POGZ: variants seen among roughly 807,000 people sequenced by gnomAD.
POGZ encodes the protein pogo transposable element derived with ZNF domain.
POGZ carries 17 observed loss-of-function variants against 134.6 expected under a neutral mutation model. The ratio of observed to expected loss-of-function variants is 0.13; its 90% CI spans 0.09 to 0.19. POGZ has a LOEUF of 0.19. POGZ is among the 10% of genes least tolerant of loss of function. The probability of loss-of-function intolerance (pLI) is 1.00; values close to 1 mark genes in which losing one functional copy is unlikely to be tolerated. For synonymous variants in POGZ, 693 were observed against 657.1 expected, an observed-to-expected ratio of 1.05 and a Z score of -0.84; for missense variants, 1,306 against 1,769.7, an observed-to-expected ratio of 0.74 and a Z score of 4.70.
At chr1:151,452,653 C>T (rs1479595705) in intron 1 of POGZ, among the ~76,000 whole-genome samples, 2 of 152,030 alleles carry the variant, frequency 1.3e-5, no homozygotes, top group Non-Finnish European at 2.9e-5. Flanking sequence ...ATCACAAGGA[C>T]AGGAGTTCGA....
At chr1:151,449,930 C>A (rs72633637) in intron 1 of POGZ, among the ~76,000 whole-genome samples, 12,114 of 151,168 alleles carry the variant, frequency 0.08, 1,321 homozygotes, top group East Asian at 0.45. Flanking sequence ...ATGAATTATT[C>A]AAATGGTTAT....
At chr1:151,430,448 A>C (rs1658502690) in intron 4 of POGZ, among the ~76,000 whole-genome samples, 1 of 152,204 alleles carries the variant, frequency 6.6e-6, no homozygotes, top group South Asian at 2.1e-4. Flanking sequence ...CAAATCACTT[A>C]ATAAACTTCT....
chr1:151,410,397 C>T (rs1654458613), intron 12 of POGZ, among the ~76,000 whole-genome samples: 1 of 152,126 alleles, frequency 6.6e-6, no homozygotes, highest in African/African-American at 2.4e-5. Context: ...AATTAAAGGC[C>T]TGTTTCTAAG....
rs575585307 is a variant in POGZ, at chr1:151,425,043, A to T, written c.1097T>A (p.Val366Glu). The change falls in exon 8 of 19, where the codon GTA becomes GAA. Residue 366 changes from valine to glutamate, a missense_variant. Val to Glu is a moderately radical substitution (Grantham distance 121, BLOSUM62 -2). Transcript: ENST00000271715. The part of the protein sequence containing the change: ...SSMKVTSSIP[V>E]FDLQDGGRKI... ...CCGTCCACCATCCTGGAGGTCAAATACTGGGATGGAAGAGGTCACTGAAAG... is the reference window on the plus strand; with the variant it reads ...CCGTCCACCATCCTGGAGGTCAAATTCTGGGATGGAAGAGGTCACTGAAAG... 3.8e-6 allele frequency: 6 copies of T among 1,568,908 alleles called. No homozygotes were observed. The highest frequency in any genetic ancestry group is 5.2e-6 in the Non-Finnish European group (6 of 1,143,842).
intron 1 of POGZ, among the ~76,000 whole-genome samples, chr1:151,447,642 ATTTTTT>A (rs35308281): frequency 1.9e-5 from 1 of 52,936 alleles, no homozygotes; most frequent in Admixed American, 2.6e-4. Context: ...TGTCTGGCTA[ATTTTTT>A]TTTTTTTTTT....
At chr1:151,446,914 T>C (rs1557946317) in intron 1 of POGZ, among the ~76,000 whole-genome samples, 1 of 152,080 alleles carries the variant, frequency 6.6e-6, no homozygotes, top group Non-Finnish European at 1.5e-5. Context: ...TTTAATTGAA[T>C]AAAAAAGTTA....
At chr1:151,425,269 A>T in intron 7 of POGZ, 1 of 422,434 alleles carries the variant, frequency 2.4e-6, no homozygotes, top group Admixed American at 3.4e-5. Flanking sequence ...TGGCACGACC[A>T]CAGCTCACTG....
intron 17 of POGZ, 78 bp from the exon 18 acceptor site, chr1:151,406,709 CT>C: frequency 8.0e-7 from 1 of 1,247,546 alleles, no homozygotes; most frequent in Non-Finnish European, 1.2e-6. Context: ...TGGGATTCAA[CT>C]TACTACATAC....
chr1:151,404,381 T>C lies in POGZ; in HGVS notation c.*421A>G, dbSNP rs532006681. ...TTAGATAGCATCATGCCCAAAGACA[T>C]TGGCCACACAATAAAACAAACAAAA... On this transcript the variant is annotated 3_prime_UTR_variant, in exon 19 of 19. Coordinates refer to ENST00000271715, the MANE Select transcript of POGZ (RefSeq NM_015100.4). 6.6e-5 allele frequency: 65 copies of C among 989,300 alleles called. No homozygotes were observed. The highest frequency in any genetic ancestry group is 1.1e-4 in the East Asian group (1 of 8,918). 61.3% of individuals were successfully genotyped at this position (989,300 alleles called of 1,614,324 possible). A position where few individuals can be genotyped will look rare whatever the true frequency, so the allele number is the denominator to read the frequency against.
rs1245146145 is a variant in POGZ at position 151,459,133 on chromosome 1, G to GGCTC, written c.-2+15_-2+18dup. 6.6e-6 allele frequency: 1 copy of GGCTC among 151,190 alleles called. No individual in the cohort carries two copies. The highest frequency in any genetic ancestry group is 1.5e-5 in the Non-Finnish European group (1 of 67,692). The allele number at this position is 151,190 out of a possible 1,614,324, so 9.4% of individuals were successfully genotyped here. ...GGGAGCAGGGGGTGGGGAGAGAGAA[G>GGCTC]GCTCGCTCGCTCACTCACCTCCTGT... On this transcript the variant is annotated intron_variant, in intron 1 of 18. Transcript: ENST00000271715.
At chr1:151,419,434 G>C (rs1656446061) in intron 10 of POGZ, among the ~76,000 whole-genome samples, 1 of 151,706 alleles carries the variant, frequency 6.6e-6, no homozygotes, top group Non-Finnish European at 1.5e-5. Context: ...GATTGCTCGA[G>C]CTCAATAATT....
At position 151,459,373 on chromosome 1, in the gene POGZ, C is replaced by CGG. The variant is rs570520068; in HGVS notation, c.-225_-224dup. ...GGGTGGATTTTTTTCCCGAGGGGGG[C>CGG]GGGGGGGCCCCGAGGGAGGGGGGTG... On this transcript the variant is annotated 5_prime_UTR_variant, in exon 1 of 19. Transcript: ENST00000271715. 8.1e-5 allele frequency: 4 copies of CGG among 49,246 alleles called. No individual in the cohort carries two copies. The highest frequency in any genetic ancestry group is 4.4e-4 in the Admixed American group (3 of 6,814). The allele number at this position is 49,246 out of a possible 1,614,324, so 3.1% of individuals were successfully genotyped here.
intron 7 of POGZ, chr1:151,426,068 T>C (rs1407182466): frequency 6.6e-6 from 1 of 152,218 alleles, no homozygotes; most frequent in Non-Finnish European, 1.5e-5. Flanking sequence ...AGACGGTACC[T>C]CATTGTGGTT....
intron 10 of POGZ, among the ~76,000 whole-genome samples, chr1:151,416,773 G>A (rs1290527894): frequency 1.3e-5 from 2 of 151,408 alleles, no homozygotes; most frequent in African/African-American, 4.9e-5. Flanking sequence ...ACAGGCACAA[G>A]CCACCACACC....
intron 1 of POGZ, among the ~76,000 whole-genome samples, chr1:151,455,351 C>CT (rs943678451): frequency 1.3e-5 from 2 of 152,098 alleles, no homozygotes; most frequent in African/African-American, 4.8e-5. Context: ...TCAAAGCAAG[C>CT]TTTTTTTGCT....
chr1:151,423,389 A>G lies in POGZ; in HGVS notation c.1678+8T>C. 1 of 1,613,352 alleles carries G rather than the reference A, an allele frequency of 6.2e-7. No individual in the cohort carries two copies. The highest frequency in any genetic ancestry group is 1.7e-5 in the Admixed American group (1 of 59,996). ...ATTCCCCTTGAGTTTAAGAGTTTCC[A>G]AACTTACTAGTAGATTCATAGGGAC... On this transcript the variant is annotated splice_region_variant and intron_variant, in intron 10 of 18. Coordinates refer to ENST00000271715, the MANE Select transcript of POGZ (RefSeq NM_015100.4).
At chr1:151,425,719 T>C (rs933801086) in intron 7 of POGZ, among the ~76,000 whole-genome samples, 3 of 152,194 alleles carry the variant, frequency 2.0e-5, no homozygotes. Flanking sequence ...CAATATACCA[T>C]TGTATGTGAA....
At chr1:151,406,534 A>G in intron 18 of POGZ, 70 bp from the exon 19 acceptor site, 1 of 1,427,706 alleles carries the variant, frequency 7.0e-7, no homozygotes, top group Non-Finnish European at 9.4e-7. Context: ...CAATAATATG[A>G]TAATAATAAT....
chr1:151,416,810 C>G (rs971490533), intron 10 of POGZ, among the ~76,000 whole-genome samples: 7 of 151,844 alleles, frequency 4.6e-5, no homozygotes, highest in South Asian at 2.1e-4. Flanking sequence ...AATACAAAAA[C>G]AGAGAGAGAT....
Sources: gnomAD v4.1 joint callset for allele counts (sites outside exome capture counted in the v4.1 genomes callset) on GRCh38, gnomAD v4.1.1 for gene constraint, MANE v1.5 for transcripts, NCBI Gene and HGNC (gene_info 2026-07-23, HGNC 2026-07-21) for gene names.